The following MESD variants were observed in gnomAD, a reference collection of about 807,000 sequenced individuals.
MESD encodes the protein LRP chaperone MESD.
MESD carries 7 observed loss-of-function variants against 12.9 expected under a neutral mutation model. The observed-to-expected ratio is 0.54, with a 90% CI of 0.31 to 1.02. The LOEUF is 1.02. Ranked by LOEUF, MESD falls within the 50% of genes least tolerant of loss-of-function variation. MESD has a pLI of 0.05. For synonymous variants in MESD, 126 were observed against 115.6 expected (o/e 1.09, Z -0.58); for missense variants, 342 against 296.7 (o/e 1.15, Z -1.12).
chr15:80,987,457 G>A (rs1428977132), intron 1 of MESD, among the ~76,000 whole-genome samples: 1 of 151,848 alleles, frequency 6.6e-6, no homozygotes, highest in African/African-American at 2.4e-5. Flanking sequence ...GGATGAAGTA[G>A]CTAGTGAGGG....
chr15:80,946,510 C>T (rs781416172), downstream of MESD: 2 of 184,784 alleles, frequency 1.1e-5, no homozygotes, highest in Non-Finnish European at 2.3e-5. Flanking sequence ...CCTCCGCCTT[C>T]CCGCACCTCC....
At chr15:80,972,062 A>C (rs929034148), downstream of MESD, among the ~76,000 whole-genome samples, 1 of 152,208 alleles carries the variant, frequency 6.6e-6, no homozygotes, top group Non-Finnish European at 1.5e-5. Context: ...ATATAGAAAA[A>C]AATAGAGAGC....
In MESD at chr15:80,979,191, C is replaced by T; in HGVS notation, c.*28G>A. The T allele has an allele frequency of 6.3e-7, 1 of 1,599,560 alleles. No individual in the cohort carries two copies. Among genetic ancestry groups the T allele is most frequent in the South Asian group, 1.1e-5 (1 of 88,510 alleles). On this transcript the variant is annotated 3_prime_UTR_variant, in exon 3 of 3. Coordinates refer to ENST00000261758, the MANE Select transcript of MESD (RefSeq NM_015154.3). ...CAAAGAGCTCTCCACGTCCACCTGTCCCCCCACAGCGCGTCACTGCTGCCC... is the reference window on the plus strand; with the variant it reads ...CAAAGAGCTCTCCACGTCCACCTGTTCCCCCACAGCGCGTCACTGCTGCCC...
chr15:80,958,955 T>C (rs1280040905), intron 3 of MESD, among the ~76,000 whole-genome samples: 5 of 152,164 alleles, frequency 3.3e-5, no homozygotes, highest in Admixed American at 2.0e-4. Flanking sequence ...TGGAGAGTCA[T>C]TGAAGGGGAG....
intron 1 of MESD, among the ~76,000 whole-genome samples, chr15:80,988,311 C>T (rs953824503): frequency 1.3e-5 from 2 of 152,148 alleles, no homozygotes; most frequent in African/African-American, 2.4e-5. Flanking sequence ...TTTTCTTGGC[C>T]TTCAAAGTCT....
intron 3 of MESD, among the ~76,000 whole-genome samples, chr15:80,960,351 C>T (rs1179356084): frequency 8.7e-6 from 1 of 115,148 alleles, no homozygotes; most frequent in Non-Finnish European, 1.7e-5. Context: ...GGGTGACAGA[C>T]AACATCCTGT....
chr15:80,982,055 A>G lies in MESD; in HGVS notation c.341T>C (p.Leu114Pro). Reference protein sequence around the residue: ...ILKMTKKGKTLMMFVTVSGSP... With the variant: ...ILKMTKKGKTPMMFVTVSGSP... ...TCCTGATACAGTGACAAACATCATG[A>G]GAGTCTTCCCTTTTTTCGTCATTTT... Residue 114 changes from leucine (L) to proline (P), a missense_variant, in exon 2 of 3, where the codon CTC becomes CCC. Coordinates refer to ENST00000261758, the MANE Select transcript of MESD (RefSeq NM_015154.3). 2 of 1,614,088 alleles carry G rather than the reference A, an allele frequency of 1.2e-6. No homozygotes were observed. Among genetic ancestry groups the G allele is most frequent in the East Asian group, 2.2e-5 (1 of 44,876 alleles).
At position 80,976,056 on chromosome 15, in the gene MESD, T is replaced by A. The variant is rs1902406212; in HGVS notation, c.*3163A>T. 1 of 152,256 alleles carries A rather than the reference T, an allele frequency of 6.6e-6. No homozygotes were observed. The allele number at this position is 152,256 out of a possible 1,614,324, so 9.4% of individuals were successfully genotyped here. ...TCCCGTCATCCAGGCTGGAGTGCAG[T>A]GGCCTGATCTTGGCTCACTGCAACC... On this transcript the variant is annotated 3_prime_UTR_variant, in exon 3 of 3. Coordinates refer to ENST00000261758, the MANE Select transcript of MESD (RefSeq NM_015154.3).
exon 5 of MESD, chr15:80,948,791 T>C: frequency 1.9e-6 from 3 of 1,614,104 alleles, no homozygotes; most frequent in Non-Finnish European, 2.5e-6. Context: ...CATCATTGCT[T>C]TTCAGAGCAA....
chr15:80,980,544 T>G (rs950851787), intron 2 of MESD, among the ~76,000 whole-genome samples: 3 of 152,052 alleles, frequency 2.0e-5, no homozygotes, highest in African/African-American at 4.8e-5. Context: ...ACTTTGTCCC[T>G]CAAAGAGTCT....
rs902413802 is a variant in MESD at position 80,989,466 on chromosome 15, T to C, written c.213+113A>G. The C allele has an allele frequency of 2.3e-5, 28 of 1,227,524 alleles. No individual in the cohort carries two copies. The Middle Eastern group carries it at 1.3e-3, about 55-fold the overall frequency. 76.0% of individuals were successfully genotyped at this position (1,227,524 alleles called of 1,614,324 possible). ...AGTGGGTCAGTAAGGATTCAAGGCA[T>C]GAGTAGAGGAGGTTAGGGGGTCAGA... is the stretch of plus-strand genomic sequence containing the variant. On this transcript the variant is annotated intron_variant, in intron 1 of 2. Coordinates refer to ENST00000261758, the MANE Select transcript of MESD (RefSeq NM_015154.3).
chr15:80,958,294 C>G, intron 3 of MESD, among the ~76,000 whole-genome samples: 1 of 152,084 alleles, frequency 6.6e-6, no homozygotes. Flanking sequence ...GCTCTCTCAT[C>G]AATAAAAAGA....
intron 4 of MESD, chr15:80,949,960 C>T (rs75214757): frequency 6.6e-6 from 1 of 152,280 alleles, no homozygotes; most frequent in African/African-American, 2.4e-5. Context: ...CTCTGGCCCA[C>T]TCATGATGGA....
intron 3 of MESD, among the ~76,000 whole-genome samples, chr15:80,962,248 C>T (rs886774176): frequency 6.6e-6 from 1 of 152,126 alleles, no homozygotes; most frequent in Admixed American, 6.5e-5. Context: ...CAAAGAAGGC[C>T]ATTATATAAT....
At chr15:80,982,603 G>A (rs912611912) in intron 1 of MESD, among the ~76,000 whole-genome samples, 8 of 152,136 alleles carry the variant, frequency 5.3e-5, no homozygotes, top group South Asian at 2.1e-4. Flanking sequence ...ATGCAATTCC[G>A]TTTATTTAAA....
chr15:80,972,140 A>T (rs1902302277), downstream of MESD, among the ~76,000 whole-genome samples: 1 of 152,186 alleles, frequency 6.6e-6, no homozygotes, highest in Non-Finnish European at 1.5e-5. Context: ...ATAGATGGAT[A>T]AGTAGAGATC....
chr15:80,954,032 C>T (rs1901910757), intron 3 of MESD, among the ~76,000 whole-genome samples: 1 of 152,188 alleles, frequency 6.6e-6, no homozygotes, highest in Admixed American at 6.5e-5. Context: ...TCCCCTCCCA[C>T]TGGCTCAAGG....
intron 3 of MESD, chr15:80,952,900 G>A (rs1901876872): frequency 4.4e-6 from 2 of 452,926 alleles, no homozygotes; most frequent in Non-Finnish European, 8.9e-6. Context: ...TGCACACAGA[G>A]GAACACAGAA....
Position 80,989,646 on chromosome 15 carries a change from C to T in MESD, c.146G>A (p.Arg49Gln), listed in dbSNP as rs1893242992. 6.2e-7 allele frequency: 1 copy of T among 1,613,952 alleles called. No homozygotes were observed. Among genetic ancestry groups the T allele is most frequent in the Non-Finnish European group, 8.5e-7 (1 of 1,180,004 alleles). ...GTPDESTPPPRKKKKDIRDYN... is the reference protein window; with the variant it reads ...GTPDESTPPPQKKKKDIRDYN... ...ATCGCGAATATCCTTCTTCTTCTTC[C>T]GGGGAGGTGGGGTAGACTCGTCGGG... Residue 49 changes from arginine to glutamine, a missense_variant, in exon 1 of 3, where the codon CGG (arginine) becomes CAG (glutamine). Transcript: ENST00000261758.
Sources: gnomAD v4.1 joint callset for allele counts (sites outside exome capture counted in the v4.1 genomes callset) on GRCh38, gnomAD v4.1.1 for gene constraint, MANE v1.5 for transcripts, NCBI Gene and HGNC (gene_info 2026-07-23, HGNC 2026-07-21) for gene names.